Variants in SCHIP1 observed in about 807,000 individuals in gnomAD.
SCHIP1 encodes schwannomin interacting protein 1, also known as schwannomin-interacting protein 1.
A neutral mutation model predicts 29.7 loss-of-function variants in SCHIP1; 8 were observed. The observed-to-expected ratio is 0.27, with a 90% CI of 0.16 to 0.49. The LOEUF is 0.49. SCHIP1 is among the 20% of genes least tolerant of loss of function. The pLI is 0.99. For synonymous variants in SCHIP1, 76 were observed against 94.9 expected (o/e 0.80, Z 1.16); for missense variants, 193 against 294.6 (o/e 0.66, Z 2.52).
chr3:159,477,920 CTT>C, the SCHIP1 span, among the ~76,000 whole-genome samples: 694 of 98,242 alleles, frequency 7.1e-3, 3 homozygotes, highest in Admixed American at 0.052. Context: ...CATTTTAAAT[CTT>C]TTTTTTTTTT....
chr3:159,497,738 T>C, the SCHIP1 span, among the ~76,000 whole-genome samples: 5 of 151,754 alleles, frequency 3.3e-5, no homozygotes, highest in Non-Finnish European at 5.9e-5. Context: ...AACACTATGA[T>C]TGATTATGTT....
At chr3:159,566,099 A>T in the SCHIP1 span, among the ~76,000 whole-genome samples, 1 of 152,120 alleles carries the variant, frequency 6.6e-6, no homozygotes, top group Non-Finnish European at 1.5e-5. Flanking sequence ...CCATTCTAAC[A>T]TTTTTTTAAC....
the SCHIP1 span, among the ~76,000 whole-genome samples, chr3:159,547,514 C>T: frequency 3.3e-5 from 5 of 152,108 alleles, no homozygotes; most frequent in African/African-American, 7.2e-5. Flanking sequence ...AATGGTATTG[C>T]ATAGGTTTTC....
At chr3:159,362,020 T>C in the SCHIP1 span, among the ~76,000 whole-genome samples, 3 of 152,194 alleles carry the variant, frequency 2.0e-5, no homozygotes, top group African/African-American at 7.2e-5. Flanking sequence ...GACTTCTTGG[T>C]ATATAGTTGG....
At chr3:159,481,661 G>A in the SCHIP1 span, among the ~76,000 whole-genome samples, 2 of 152,112 alleles carry the variant, frequency 1.3e-5, no homozygotes, top group African/African-American at 4.8e-5. Flanking sequence ...GTGGGACCAG[G>A]TAACTTTTCT....
At chr3:159,815,234 C>T in the SCHIP1 span, among the ~76,000 whole-genome samples, 1 of 152,184 alleles carries the variant, frequency 6.6e-6, no homozygotes, top group Non-Finnish European at 1.5e-5. Context: ...TCAGAAATAT[C>T]GGAAGAGTTC....
At chr3:159,390,054 G>A in the SCHIP1 span, among the ~76,000 whole-genome samples, 1 of 151,752 alleles carries the variant, frequency 6.6e-6, no homozygotes, top group South Asian at 2.1e-4. Flanking sequence ...AATCCTGATT[G>A]CATATATATA....
chr3:159,825,145 C>G, the SCHIP1 span, among the ~76,000 whole-genome samples: 2 of 152,114 alleles, frequency 1.3e-5, no homozygotes, highest in Non-Finnish European at 2.9e-5. Flanking sequence ...TGGGCTATTT[C>G]TGGAACTAAA....
the SCHIP1 span, among the ~76,000 whole-genome samples, chr3:159,513,364 G>A: frequency 4.6e-5 from 7 of 152,092 alleles, no homozygotes; most frequent in Admixed American, 4.6e-4. Context: ...TTTTGTTTAA[G>A]AACCTGGATA....
At chr3:159,627,343 A>G in the SCHIP1 span, among the ~76,000 whole-genome samples, 1 of 152,232 alleles carries the variant, frequency 6.6e-6, no homozygotes, top group Admixed American at 6.5e-5. Flanking sequence ...TGAGGCAAAT[A>G]TATTTTATCC....
chr3:159,537,886 G>T, the SCHIP1 span, among the ~76,000 whole-genome samples: 1 of 152,236 alleles, frequency 6.6e-6, no homozygotes, highest in Middle Eastern at 3.4e-3. Context: ...TATACATAGT[G>T]TATTAAAGGC....
the SCHIP1 span, among the ~76,000 whole-genome samples, chr3:159,386,411 C>T: frequency 6.6e-6 from 1 of 152,160 alleles, no homozygotes; most frequent in Non-Finnish European, 1.5e-5. Context: ...ACATTCCACG[C>T]TCGTGGATAC....
At chr3:159,611,462 A>G in the SCHIP1 span, among the ~76,000 whole-genome samples, 1 of 142,260 alleles carries the variant, frequency 7.0e-6, no homozygotes, top group Non-Finnish European at 1.5e-5. Flanking sequence ...TCTCACTCAT[A>G]AGTGGGAGTT....
the SCHIP1 span, among the ~76,000 whole-genome samples, chr3:159,399,991 G>A: frequency 2.0e-5 from 3 of 152,166 alleles, no homozygotes; most frequent in South Asian, 4.1e-4. Context: ...TGCAGGTTAG[G>A]ACCAATAAGT....
At chr3:159,893,539 A>T (rs1467728914) in intron 6 of SCHIP1, 1 of 152,164 alleles carries the variant, frequency 6.6e-6, no homozygotes, top group African/African-American at 2.4e-5. Context: ...AATTCTTGTA[A>T]ACTATGATTT....
the SCHIP1 span, among the ~76,000 whole-genome samples, chr3:159,773,778 G>A: frequency 3.3e-5 from 5 of 152,072 alleles, no homozygotes. Flanking sequence ...TGCTCTCCCT[G>A]GATGATAGAA....
the SCHIP1 span, among the ~76,000 whole-genome samples, chr3:159,372,557 C>G: frequency 6.6e-6 from 1 of 151,578 alleles, no homozygotes; most frequent in Non-Finnish European, 1.5e-5. Context: ...TGTATTTAAA[C>G]TTTGTACACT....
At chr3:159,887,901 A>G in exon 4 of SCHIP1, 1 of 1,613,994 alleles carries the variant, frequency 6.2e-7, no homozygotes, top group Non-Finnish European at 8.5e-7. Context: ...CCCGTCGCTG[A>G]TCTTGTAAGC....
the SCHIP1 span, among the ~76,000 whole-genome samples, chr3:159,616,277 T>C: frequency 1.3e-5 from 2 of 152,218 alleles, no homozygotes; most frequent in Non-Finnish European, 2.9e-5. Context: ...TTTTTTTGTA[T>C]TTTTAGTAGA....
Sources: gnomAD v4.1 joint callset for allele counts (sites outside exome capture counted in the v4.1 genomes callset) on GRCh38, gnomAD v4.1.1 for gene constraint, MANE v1.5 for transcripts, NCBI Gene and HGNC (gene_info 2026-07-23, HGNC 2026-07-21) for gene names.